The following AREG variants were observed in gnomAD, a reference collection of about 807,000 sequenced individuals.
AREG encodes the protein amphiregulin B.
In AREG, 16 loss-of-function variants were observed where a neutral mutation model predicts 28.0. The observed-to-expected ratio is 0.57, with a 90% CI of 0.39 to 0.87. The LOEUF (loss-of-function observed/expected upper bound fraction) is 0.87, where lower values mean the gene tolerates loss of function less well. Ranked by LOEUF, AREG falls within the 40% of genes least tolerant of loss-of-function variation. The pLI, the probability that AREG is intolerant of heterozygous loss-of-function variation, is 0.00. For synonymous variants in AREG, 113 were observed against 113.5 expected, an observed-to-expected ratio of 1.00 and a Z score of 0.02; for missense variants, 287 against 309.1, an observed-to-expected ratio of 0.93 and a Z score of 0.53.
At chr4:74,448,933 G>A (rs1578844310) in intron 2 of AREG, 114 bp from the exon 3 acceptor site, 3 of 1,415,720 alleles carry the variant, frequency 2.1e-6, no homozygotes, top group African/African-American at 1.5e-5. Flanking sequence ...AGGTAATGAG[G>A]CACGCATGGC....
At chr4:74,454,114 A>G (rs1178378583) in intron 5 of AREG, among the ~76,000 whole-genome samples, 1 of 152,228 alleles carries the variant, frequency 6.6e-6, no homozygotes, top group African/African-American at 2.4e-5. Context: ...AATTAGCTCA[A>G]TAATTCATAA....
intron 2 of AREG, 158 bp from the exon 3 acceptor site, chr4:74,448,889 G>A (rs1052362981): frequency 2.8e-6 from 3 of 1,055,338 alleles, no homozygotes; most frequent in South Asian, 3.7e-5. Context: ...ATAAATTAGG[G>A]TTATGCAGTC....
chr4:74,446,167 A>G (rs1421219169), intron 1 of AREG, among the ~76,000 whole-genome samples: 1 of 152,260 alleles, frequency 6.6e-6, no homozygotes, highest in East Asian at 1.9e-4. Flanking sequence ...ATAGGCCAGG[A>G]TGGCATTCTA....
intron 4 of AREG, 104 bp from the exon 5 acceptor site, chr4:74,452,440 C>A (rs984575125): frequency 1.1e-5 from 14 of 1,319,052 alleles, no homozygotes; most frequent in African/African-American, 1.5e-5. Context: ...GATTGCTGGT[C>A]TATCACTACT....
chr4:74,447,063 G>A lies in AREG; in HGVS notation c.310+281G>A, dbSNP rs200075268. Among the ~76,000 whole-genome samples the A allele has an allele frequency of 3.9e-3, 601 of 152,256 alleles. 10 individuals carry two copies. The East Asian group carries it at 0.044, about 11-fold the overall frequency. On this transcript the variant is annotated intron_variant, in intron 2 of 5. Transcript: ENST00000395748. ...TTTTACAGATGTGATAACTGAAGCC[G>A]AAAAAGGTTTTGCTCTAGGTTCTAC...
intron 2 of AREG, among the ~76,000 whole-genome samples, chr4:74,447,386 T>A (rs1288615392): frequency 1.3e-5 from 2 of 152,192 alleles, no homozygotes; most frequent in Non-Finnish European, 2.9e-5. Flanking sequence ...ATAATAATAA[T>A]GCCATCTGGA....
At chr4:74,452,463 C>A in intron 4 of AREG, 81 bp from the exon 5 acceptor site, 1 of 1,529,654 alleles carries the variant, frequency 6.5e-7, no homozygotes. Context: ...TGAAGTGGAA[C>A]CCCCTCTACT....
chr4:74,449,114 A>G lies in AREG; in HGVS notation c.378A>G (p.Arg126=). Residue 126 remains arginine (R), a synonymous_variant, in exon 3 of 6, where the codon AGA becomes AGG. Coordinates refer to ENST00000395748, the MANE Select transcript of AREG (RefSeq NM_001657.4). The stretch of plus-strand genomic sequence containing the variant: ...AAAATACTTCAGATAAACCCAAAAG[A>G]AAGAAAAAGGGAGGCAAAAATGGAA... ...ESENTSDKPK[R]KKKGGKNGKN... is the part of the protein sequence containing the mutation. 1 of 1,612,648 alleles carries G rather than the reference A, an allele frequency of 6.2e-7. No individual in the cohort carries two copies. The highest frequency in any genetic ancestry group is 1.7e-5 in the Admixed American group (1 of 59,794).
At chr4:74,448,930 G>T in intron 2 of AREG, 117 bp from the exon 3 acceptor site, 1 of 1,398,952 alleles carries the variant, frequency 7.1e-7, no homozygotes, top group Non-Finnish European at 9.8e-7. Context: ...GTTAGGTAAT[G>T]AGGCACGCAT....
chr4:74,452,758 T>C (rs1407584556), intron 5 of AREG, 103 bp downstream of exon 5: 25 of 1,005,456 alleles, frequency 2.5e-5, no homozygotes, highest in Non-Finnish European at 3.6e-5. Flanking sequence ...TAATTATATA[T>C]ACACTATGAA....
rs1305676251 is a variant in AREG at position 74,446,676 on chromosome 4, A to G, written c.204A>G (p.Glu68=). 6.2e-7 allele frequency: 1 copy of G among 1,613,950 alleles called. No individual in the cohort carries two copies. Residue 68 remains glutamate, a synonymous_variant, in exon 2 of 6, where the codon GAA becomes GAG. Coordinates refer to ENST00000395748, the MANE Select transcript of AREG (RefSeq NM_001657.4). ...GGAGTGAGATTTCCCCTGTGAGTGA[A>G]ATGCCTTCTAGTAGTGAACCGTCCT... is the stretch of plus-strand genomic sequence containing the variant. The part of the protein sequence containing the change: ...SSGSEISPVS[E]MPSSSEPSSG...
At chr4:74,452,841 A>G (rs887695151) in intron 5 of AREG, among the ~76,000 whole-genome samples, 186 bp downstream of exon 5, 1 of 152,186 alleles carries the variant, frequency 6.6e-6, no homozygotes, top group African/African-American at 2.4e-5. Context: ...TACGTGTTTA[A>G]TAAGTATTAT....
chr4:74,453,907 C>T (rs1365661872), intron 5 of AREG, among the ~76,000 whole-genome samples: 3 of 142,816 alleles, frequency 2.1e-5, no homozygotes, highest in Non-Finnish European at 3.0e-5. Context: ...GCAACAAGAG[C>T]GAAACTCCAT....
chr4:74,445,293 T>TCCCAGAGACCGAGTTGC lies in AREG; in HGVS notation c.-39_-23dup, dbSNP rs1719250601. 7.5e-6 allele frequency: 12 copies of TCCCAGAGACCGAGTTGC among 1,591,716 alleles called. No homozygotes were observed. The highest frequency in any genetic ancestry group is 6.7e-5 in the African/African-American group (5 of 74,604). On this transcript the variant is annotated 5_prime_UTR_variant, in exon 1 of 6. Transcript: ENST00000395748. ...CCGCTCGTTTTGGCGGCAGCTCGTG[T>TCCCAGAGACCGAGTTGC]CCCAGAGACCGAGTTGCCCCAGAGA... is the stretch of plus-strand genomic sequence containing the variant.
At chr4:74,445,447 A>T in intron 1 of AREG, 41 bp downstream of exon 1, 8 of 1,589,766 alleles carry the variant, frequency 5.0e-6, no homozygotes, top group Non-Finnish European at 6.8e-6. Flanking sequence ...CTCTCCTCCC[A>T]TGGCAGGTTT....
At chr4:74,450,348 G>T in intron 3 of AREG, 32 bp from the exon 4 acceptor site, 1 of 1,613,862 alleles carries the variant, frequency 6.2e-7, no homozygotes, top group Non-Finnish European at 8.5e-7. Context: ...ACGTTTTTGT[G>T]ATTATAATTT....
intron 1 of AREG, among the ~76,000 whole-genome samples, chr4:74,446,203 G>A (rs28364977): frequency 1.1e-4 from 16 of 152,220 alleles, no homozygotes; most frequent in Non-Finnish European, 2.1e-4. Flanking sequence ...CATTTGGAAT[G>A]TGAAGTGATG....
At chr4:74,446,398 T>C in intron 1 of AREG, 136 bp from the exon 2 acceptor site, 2 of 1,497,626 alleles carry the variant, frequency 1.3e-6, no homozygotes, top group African/African-American at 1.4e-5. Flanking sequence ...TTCATAGAAA[T>C]GACTCAATCA....
At chr4:74,453,667 G>A (rs1033946227) in intron 5 of AREG, among the ~76,000 whole-genome samples, 3 of 152,286 alleles carry the variant, frequency 2.0e-5, no homozygotes, top group Middle Eastern at 3.4e-3. Flanking sequence ...AGCACTTTGG[G>A]AGGCTGAGGT....
Sources: allele counts gnomAD v4.1 joint callset (sites outside exome capture counted in the v4.1 genomes callset), GRCh38; gene constraint gnomAD v4.1.1; transcripts MANE v1.5; gene names NCBI Gene and HGNC (gene_info 2026-07-23, HGNC 2026-07-21).